DGKG: variants seen among roughly 807,000 people sequenced by gnomAD.
The protein encoded by DGKG is diacylglycerol kinase gamma.
In DGKG, 78 loss-of-function variants were observed where a neutral mutation model predicts 105.3. The ratio of observed to expected loss-of-function variants is 0.74; its 90% CI spans 0.62 to 0.89. DGKG has a LOEUF of 0.89. Ranked by LOEUF, DGKG falls within the 40% of genes least tolerant of loss-of-function variation. DGKG has a pLI of 0.00. For synonymous variants in DGKG, 346 were observed against 367.1 expected (o/e 0.94, Z 0.66); for missense variants, 958 against 1,020.1 (o/e 0.94, Z 0.83).
chr3:186,291,375 A>G (rs1032329390), intron 5 of DGKG, among the ~76,000 whole-genome samples: 15 of 152,032 alleles, frequency 9.9e-5, no homozygotes, highest in Non-Finnish European at 1.9e-4. Context: ...ATGTAAAAAG[A>G]AATTAAATAA....
rs758256641 is a variant in DGKG, at chr3:186,210,072, G to A, written c.1917+1723C>T. 1.3e-4 allele frequency among the ~76,000 whole-genome samples: 20 copies of A among 152,296 alleles called. No homozygotes were observed. Among genetic ancestry groups the A allele is most frequent in the Non-Finnish European group, 2.4e-4 (16 of 68,020 alleles). ...CGAGGCCCCCTCTGCGGTTGAGGAA[G>A]AGCCTCTGTCTCTCAAACCCAGAGG... is the stretch of plus-strand genomic sequence containing the variant. On this transcript the variant is annotated intron_variant, in intron 21 of 24. Transcript: ENST00000265022. This position sits in a 1 kb window ranked among gnomAD's most constrained non-coding sequence, Gnocchi z 5.2.
chr3:186,202,705 A>C (rs1718531881), intron 21 of DGKG, among the ~76,000 whole-genome samples: 1 of 152,252 alleles, frequency 6.6e-6, no homozygotes, highest in Non-Finnish European at 1.5e-5. Context: ...AAGTTGGCTG[A>C]GAGGATCTTC....
At chr3:186,327,950 T>A (rs1053375120) in intron 1 of DGKG, among the ~76,000 whole-genome samples, 14 of 152,260 alleles carry the variant, frequency 9.2e-5, no homozygotes, top group Non-Finnish European at 1.6e-4. Context: ...CCTGTGGTAA[T>A]AACTCACCTC....
At chr3:186,171,609 T>C (rs1716821835) in intron 22 of DGKG, among the ~76,000 whole-genome samples, 1 of 152,204 alleles carries the variant, frequency 6.6e-6, no homozygotes. Context: ...AAAAAATGTC[T>C]ACATGTGTTC....
rs1722962647 is a variant in DGKG, at chr3:186,284,361, A to C, written c.594+299T>G. ...CAGGACTCCTGCAGGAAATTGCAGG[A>C]GGCGCTTGTGAACTGAATGGGAAGT... On this transcript the variant is annotated intron_variant, in intron 7 of 24. Coordinates refer to ENST00000265022, the MANE Select transcript of DGKG (RefSeq NM_001346.3). The surrounding 1 kb of genome is among the most constrained non-coding windows in gnomAD (Gnocchi z 4.0). 6.6e-6 allele frequency among the ~76,000 whole-genome samples: 1 copy of C among 152,016 alleles called. No homozygotes were observed. The highest frequency in any genetic ancestry group is 1.5e-5 in the Non-Finnish European group (1 of 68,020).
chr3:186,279,750 G>T, intron 9 of DGKG, 101 bp downstream of exon 9: 3 of 1,413,250 alleles, frequency 2.1e-6, no homozygotes, highest in South Asian at 1.4e-5. Context: ...CACGTCTGTT[G>T]GGCAGTCTGG....
intron 22 of DGKG, among the ~76,000 whole-genome samples, chr3:186,175,778 A>C (rs1410867267): frequency 1.3e-5 from 2 of 152,210 alleles, no homozygotes; most frequent in Non-Finnish European, 2.9e-5. Context: ...TGCACAGCAA[A>C]AGAAATGATC....
At chr3:186,179,859 G>A (rs1246883193) in intron 22 of DGKG, among the ~76,000 whole-genome samples, 1 of 152,162 alleles carries the variant, frequency 6.6e-6, no homozygotes, top group Non-Finnish European at 1.5e-5. Context: ...GCTGGCAGAG[G>A]GGCCCTGGCA....
Position 186,241,971 on chromosome 3 carries a change from C to T in DGKG, c.1826+533G>A, listed in dbSNP as rs555950913. 3.7e-4 allele frequency among the ~76,000 whole-genome samples: 57 copies of T among 152,286 alleles called. 1 individual carries two copies. Among genetic ancestry groups the T allele is most frequent in the African/African-American group, 1.3e-3 (53 of 41,568 alleles). On this transcript the variant is annotated intron_variant, in intron 20 of 24. Transcript: ENST00000265022. ...TGGGACTTAGTGGGTTCCGGGTCTC[C>T]AGCCTTTGCAGGTACCTCTCTGCTG...
At chr3:186,263,737 T>C (rs1721902186) in intron 14 of DGKG, among the ~76,000 whole-genome samples, 1 of 151,902 alleles carries the variant, frequency 6.6e-6, no homozygotes, top group Non-Finnish European at 1.5e-5. Flanking sequence ...GAGTGGGGTG[T>C]GTGTAACCCT....
At chr3:186,209,285 A>G (rs1718911471) in intron 21 of DGKG, among the ~76,000 whole-genome samples, 1 of 151,888 alleles carries the variant, frequency 6.6e-6, no homozygotes, top group Non-Finnish European at 1.5e-5. Context: ...TACTTTTAGT[A>G]GAAACAGTGT....
At chr3:186,275,331 G>A (rs1008035751) in intron 10 of DGKG, among the ~76,000 whole-genome samples, 1 of 152,148 alleles carries the variant, frequency 6.6e-6, no homozygotes, top group Non-Finnish European at 1.5e-5. Context: ...CTCATAAAAA[G>A]CCTCCAATAA....
chr3:186,329,243 T>C (rs1725489989), intron 1 of DGKG, among the ~76,000 whole-genome samples: 1 of 152,200 alleles, frequency 6.6e-6, no homozygotes, highest in Non-Finnish European at 1.5e-5. Flanking sequence ...GAGCAATTGC[T>C]TCAGCTCCTT....
intron 22 of DGKG, among the ~76,000 whole-genome samples, chr3:186,166,565 G>A (rs555697250): frequency 7.9e-5 from 12 of 152,122 alleles, no homozygotes; most frequent in Non-Finnish European, 1.8e-4. Flanking sequence ...GTTGAATAAC[G>A]TTGGATGGTC....
chr3:186,342,466 C>T (rs145922816), intron 1 of DGKG, among the ~76,000 whole-genome samples: 4 of 152,272 alleles, frequency 2.6e-5, no homozygotes, highest in Admixed American at 6.5e-5. Flanking sequence ...CTAAAAATAG[C>T]GCATCAGACA....
chr3:186,152,058 G>C (rs1320158419), intron 24 of DGKG, among the ~76,000 whole-genome samples: 1 of 151,972 alleles, frequency 6.6e-6, no homozygotes, highest in Admixed American at 6.6e-5. Context: ...CAGCCTGTGC[G>C]ACAGAGAGAG....
chr3:186,303,081 G>A (rs1394826694), intron 3 of DGKG, among the ~76,000 whole-genome samples: 1 of 152,102 alleles, frequency 6.6e-6, no homozygotes, highest in Non-Finnish European at 1.5e-5. Context: ...CTGTCACAGG[G>A]TCCAGAGCTG....
At chr3:186,274,513 A>T (rs1044600491) in intron 10 of DGKG, among the ~76,000 whole-genome samples, 1 of 146,654 alleles carries the variant, frequency 6.8e-6, no homozygotes, top group African/African-American at 2.5e-5. Flanking sequence ...CATTAGGTAT[A>T]TCTCCTAATG....
chr3:186,288,949 C>T (rs528548814), intron 5 of DGKG, 69 bp from the exon 6 acceptor site: 1 of 1,432,460 alleles, frequency 7.0e-7, no homozygotes, highest in Non-Finnish European at 9.4e-7. Context: ...CTCTTTGTTA[C>T]CCCATCCTTT....
Sources: gnomAD v4.1 joint callset for allele counts (sites outside exome capture counted in the v4.1 genomes callset) on GRCh38, gnomAD v4.1.1 for gene constraint, Gnocchi (gnomAD v3.1) non-coding constraint, MANE v1.5 for transcripts, NCBI Gene and HGNC (gene_info 2026-07-23, HGNC 2026-07-21) for gene names.